ADGRG1: variants seen among roughly 807,000 people sequenced by gnomAD.
ADGRG1 encodes 7-transmembrane protein with no EGF-like N-terminal domains-1.
In ADGRG1, 53 loss-of-function variants were observed where a neutral mutation model predicts 73.5. The ratio of observed to expected loss-of-function variants is 0.72; its 90% confidence interval spans 0.58 to 0.91. The LOEUF (loss-of-function observed/expected upper bound fraction) is 0.91. Among genes scored for constraint, ADGRG1 ranks in the 40% least tolerant of loss-of-function variants. The pLI, the probability that ADGRG1 is intolerant of heterozygous loss-of-function variation, is 0.00. For missense variants in ADGRG1, 795 were observed against 871.8 expected, an observed-to-expected ratio of 0.91 and a Z score of 1.11; for synonymous variants, 394 against 374.4, an observed-to-expected ratio of 1.05 and a Z score of -0.60.
upstream of ADGRG1, chr16:57,628,449 C>G (rs1371011461): frequency 1.5e-5 from 14 of 904,562 alleles, no homozygotes; most frequent in African/African-American, 5.4e-5. Context: ...GAGTCATGGG[C>G]ATCCCCCAGG....
chr16:57,635,104 C>G lies in ADGRG1; in HGVS notation c.-36+6302C>G, dbSNP rs192063864. Reference sequence around the variant, plus strand: ...TGAGGGAGGTCAGGAGGGCAGGACACCCACCTCCTGAATCTTCAGGACCCC... The same window carrying G: ...TGAGGGAGGTCAGGAGGGCAGGACAGCCACCTCCTGAATCTTCAGGACCCC... On this transcript the variant is annotated intron_variant, in intron 1 of 13. Transcript: ENST00000562631. 3 of 985,300 alleles carry G rather than the reference C, an allele frequency of 3.0e-6. No individual in the cohort carries two copies. In the East Asian group the frequency reaches 3.4e-4, roughly 112 times the overall value. The allele number at this position is 985,300 out of a possible 1,614,324, so 61.0% of individuals were successfully genotyped here. A position where few individuals can be genotyped will look rare whatever the true frequency, so the allele number is the denominator to read the frequency against.
chr16:57,641,074 G>T, intron 1 of ADGRG1: 1 of 984,186 alleles, frequency 1.0e-6, no homozygotes, highest in African/African-American at 1.7e-5. Context: ...GGTAAGCTCT[G>T]TTCTTACCTG....
At position 57,622,569 on chromosome 16, in the gene ADGRG1, G is replaced by A. The variant is rs75018942; in HGVS notation, c.-154+1174G>A. 5.1e-3 allele frequency among the ~76,000 whole-genome samples: 782 copies of A among 152,308 alleles called. 12 individuals are homozygous for A. Among genetic ancestry groups the A allele is most frequent in the Admixed American group, 0.027 (419 of 15,306 alleles). On this transcript the variant is annotated intron_variant, in intron 2 of 4. Coordinates refer to the ADGRG1 transcript ENST00000561833. The stretch of plus-strand genomic sequence containing the variant: ...GCCCAGCCGTGCACACTGCAAGAGG[G>A]GCCCAGGCTGGCAGGCATGTGATTG...
intron 10 of ADGRG1, among the ~76,000 whole-genome samples, 180 bp downstream of exon 10, chr16:57,657,671 G>A (rs1388718923): frequency 6.6e-5 from 10 of 152,208 alleles, no homozygotes; most frequent in Admixed American, 2.6e-4. Context: ...CAGATCAGTG[G>A]TGTTTGGATA....
upstream of ADGRG1, chr16:57,620,275 G>T: frequency 6.5e-6 from 1 of 152,738 alleles, no homozygotes; most frequent in Non-Finnish European, 1.5e-5. Context: ...CCCTTGGCCT[G>T]TTCAGGGTAC....
intron 13 of ADGRG1, chr16:57,663,132 G>A: frequency 1.1e-6 from 1 of 950,838 alleles, no homozygotes; most frequent in Non-Finnish European, 1.3e-6. Flanking sequence ...TTCAGAGCCT[G>A]TTCACCACAG....
intron 1 of ADGRG1, among the ~76,000 whole-genome samples, chr16:57,649,094 C>T (rs2043384429): frequency 2.6e-5 from 4 of 152,210 alleles, no homozygotes; most frequent in African/African-American, 9.7e-5. Flanking sequence ...CAGATTTGCT[C>T]CATCCTTGCC....
chr16:57,630,766 G>C (rs2037622017), intron 1 of ADGRG1: 2 of 259,724 alleles, frequency 7.7e-6, no homozygotes, highest in Non-Finnish European at 1.2e-5. Context: ...AAGGCACTTA[G>C]GCTGGGCTTG....
At chr16:57,657,747 T>G (rs962722621) in intron 10 of ADGRG1, among the ~76,000 whole-genome samples, 1 of 152,112 alleles carries the variant, frequency 6.6e-6, no homozygotes. Context: ...ATTTTATTAT[T>G]ATTATTTTTT....
At chr16:57,655,366 G>T (rs779818995) in intron 5 of ADGRG1, 33 bp from the exon 6 acceptor site, 65 of 1,609,108 alleles carry the variant, frequency 4.0e-5, no homozygotes, top group Non-Finnish European at 5.3e-5. Context: ...CTAGGGGTCC[G>T]CATTTGGCTG....
chr16:57,656,608 A>G lies in ADGRG1; in HGVS notation c.1158A>G (p.Ala386=), dbSNP rs1265762016. 6.2e-7 allele frequency: 1 copy of G among 1,605,708 alleles called. No individual in the cohort carries two copies. The highest frequency in any genetic ancestry group is 8.5e-7 in the Non-Finnish European group (1 of 1,172,376). Residue 386 remains alanine, a synonymous_variant, in exon 9 of 14, where the codon GCA becomes GCG. Transcript: ENST00000562631. The part of the protein sequence containing the change: ...SCFCNHLTYF[A]VLMVSSVEVD... The stretch of plus-strand genomic sequence containing the variant: ...TCTGCAACCACTTGACCTACTTTGC[A>G]GTGCTGATGGTGAGGGTCCCTGCTC...
chr16:57,661,416 A>C (rs1025979888), intron 12 of ADGRG1: 16 of 985,228 alleles, frequency 1.6e-5, no homozygotes, highest in Non-Finnish European at 1.8e-5. Flanking sequence ...AATCCTTCCC[A>C]TTGGCTCAGT....
intron 1 of ADGRG1, chr16:57,635,706 C>A: frequency 1.0e-6 from 1 of 985,396 alleles, no homozygotes; most frequent in Non-Finnish European, 1.2e-6. Context: ...CCCTTTCCCT[C>A]TCTATGGAGT....
At chr16:57,643,053 C>T (rs1567712028) in intron 1 of ADGRG1, 1 of 152,202 alleles carries the variant, frequency 6.6e-6, no homozygotes, top group African/African-American at 2.4e-5. Flanking sequence ...TTAGAATCTC[C>T]CTGGATTCCA....
chr16:57,620,354 A>G (rs2034534042), upstream of ADGRG1, among the ~76,000 whole-genome samples: 1 of 152,164 alleles, frequency 6.6e-6, no homozygotes, highest in African/African-American at 2.4e-5. Flanking sequence ...ATGGCCGGGC[A>G]TGCTGGCATG....
At chr16:57,641,628 T>A (rs1401160258) in intron 1 of ADGRG1, 5 of 875,708 alleles carry the variant, frequency 5.7e-6, no homozygotes, top group Non-Finnish European at 6.8e-6. Context: ...TGCAGTGGTG[T>A]GATCTTGGCT....
In ADGRG1 at chr16:57,655,548, T is replaced by G; in HGVS notation, c.900+18T>G. 6.2e-7 allele frequency: 1 copy of G among 1,613,392 alleles called. No individual in the cohort carries two copies. Among genetic ancestry groups the G allele is most frequent in the Non-Finnish European group, 8.5e-7 (1 of 1,179,974 alleles). ...TGTTCCAGGTATGGGGTCCTCACCCTCATGCCTCCCAGGAGAAAGCAGTTT... is the reference window on the plus strand; with the variant it reads ...TGTTCCAGGTATGGGGTCCTCACCCGCATGCCTCCCAGGAGAAAGCAGTTT... On this transcript the variant is annotated intron_variant, in intron 6 of 13. Coordinates refer to ENST00000562631, the MANE Select transcript of ADGRG1 (RefSeq NM_201525.4).
chr16:57,631,521 C>T lies in ADGRG1; in HGVS notation c.-36+2719C>T, dbSNP rs1242547486. 9 of 985,438 alleles carry T rather than the reference C, an allele frequency of 9.1e-6. No homozygotes were observed. The African/African-American group carries it at 1.4e-4, about 15-fold the overall frequency. The allele number at this position is 985,438 out of a possible 1,614,324, so 61.0% of individuals were successfully genotyped here. A position where few individuals can be genotyped will look rare whatever the true frequency, so the allele number is the denominator to read the frequency against. On this transcript the variant is annotated intron_variant, in intron 1 of 13. Transcript: ENST00000562631. ...ACAACAGAGCCCCAAACCCCAGCAC[C>T]ACCTCCTCCTCCCAGACTGGAGCTT...
intron 1 of ADGRG1, chr16:57,635,406 G>T: frequency 1.0e-6 from 1 of 985,400 alleles, no homozygotes; most frequent in Non-Finnish European, 1.2e-6. Context: ...ACCTTAAGTG[G>T]AGGTGGTGGG....
Sources: gnomAD v4.1 joint callset for allele counts (sites outside exome capture counted in the v4.1 genomes callset) on GRCh38, gnomAD v4.1.1 for gene constraint, MANE v1.5 for transcripts, NCBI Gene and HGNC (gene_info 2026-07-23, HGNC 2026-07-21) for gene names.